Variants in WASHC5 observed in about 807,000 individuals in gnomAD.
WASHC5 encodes WASH complex subunit 5, also known as WASH complex subunit strumpellin.
Under a neutral mutation model 150.4 loss-of-function variants are expected in WASHC5, and 101 were observed. The observed-to-expected ratio is 0.67, with a 90% CI of 0.57 to 0.79. WASHC5 has a LOEUF of 0.79. Among genes scored for constraint, WASHC5 ranks in the 30% least tolerant of loss-of-function variants. The pLI is 0.00. For missense variants in WASHC5, 1,195 were observed against 1,396.3 expected, an observed-to-expected ratio of 0.86 and a Z score of 2.30; for synonymous variants, 467 against 491.2, an observed-to-expected ratio of 0.95 and a Z score of 0.65.
rs751697481 is a variant in WASHC5 at position 125,045,914 on chromosome 8, G to A, written c.2505-1216C>T. Among the ~76,000 whole-genome samples the A allele has an allele frequency of 3.3e-4, 50 of 152,204 alleles. 1 individual carries two copies. Among genetic ancestry groups the A allele is most frequent in the Admixed American group, 4.6e-4 (7 of 15,284 alleles). ...GATAGTTTTCTAAAAAGGCTTCGGTGATTGAAGGCTACCAAGAAAGAAGGA... is the reference window on the plus strand; with the variant it reads ...GATAGTTTTCTAAAAAGGCTTCGGTAATTGAAGGCTACCAAGAAAGAAGGA... On this transcript the variant is annotated intron_variant, in intron 20 of 28. Coordinates refer to ENST00000318410, the MANE Select transcript of WASHC5 (RefSeq NM_014846.4).
At chr8:125,073,556 CAT>C (rs1007430574) in intron 8 of WASHC5, among the ~76,000 whole-genome samples, 29 of 152,140 alleles carry the variant, frequency 1.9e-4, no homozygotes, top group African/African-American at 7.0e-4. Flanking sequence ...AGATGAATGA[CAT>C]ATGGACTACA....
intron 26 of WASHC5, among the ~76,000 whole-genome samples, chr8:125,033,366 T>C (rs1419815417): frequency 6.6e-6 from 1 of 152,000 alleles, no homozygotes; most frequent in Non-Finnish European, 1.5e-5. Context: ...AAAAGATAAA[T>C]CTTTTAACAA....
chr8:125,073,362 C>G, intron 8 of WASHC5, 38 bp from the exon 9 acceptor site: 6 of 1,525,764 alleles, frequency 3.9e-6, no homozygotes, highest in Non-Finnish European at 5.5e-6. Context: ...TTTAAAAAGT[C>G]ATTTATCTTG....
rs141105203 is a variant in WASHC5, at chr8:125,076,694, T to C, written c.712-194A>G. 7.3e-5 allele frequency among the ~76,000 whole-genome samples: 11 copies of C among 150,124 alleles called. No homozygotes were observed. In the East Asian group the frequency reaches 2.0e-3, roughly 27 times the overall value. The stretch of plus-strand genomic sequence containing the variant: ...GTCTTCCTTCTTATTCCTAACACCA[T>C]AATATTCTCTTCTTCCAGCCCTTGA... On this transcript the variant is annotated intron_variant, in intron 6 of 28. Transcript: ENST00000318410.
At chr8:125,079,185 C>CTTTTTTTTTT (rs34211379) in intron 5 of WASHC5, among the ~76,000 whole-genome samples, 5 of 57,580 alleles carry the variant, frequency 8.7e-5, no homozygotes, top group Non-Finnish European at 1.2e-4. Flanking sequence ...TATATATAAC[C>CTTTTTTTTTT]TTTTTTTTTT....
In WASHC5 at chr8:125,047,340, C is replaced by G. The variant is rs759557344; in HGVS notation, c.2380-9G>C. 3.1e-6 allele frequency: 5 copies of G among 1,612,598 alleles called. No homozygotes were observed. In the African/African-American group the frequency reaches 6.7e-5, roughly 22 times the overall value. ...CTTTGCCAATCTTGAATCTAGAAAA[C>G]AAAACCATCAATATTTAGTAAACCT... On this transcript the variant is annotated splice_polypyrimidine_tract_variant and intron_variant, in intron 19 of 28. Coordinates refer to ENST00000318410, the MANE Select transcript of WASHC5 (RefSeq NM_014846.4).
chr8:125,058,774 C>T (rs1039712415), intron 14 of WASHC5, among the ~76,000 whole-genome samples: 11 of 151,958 alleles, frequency 7.2e-5, no homozygotes, highest in African/African-American at 2.7e-4. Context: ...TGTTCATTTA[C>T]CACGAACTGA....
At chr8:125,064,529 T>C (rs1001298381) in intron 10 of WASHC5, among the ~76,000 whole-genome samples, 20 of 152,016 alleles carry the variant, frequency 1.3e-4, no homozygotes, top group South Asian at 2.1e-4. Context: ...CTTAATTCTG[T>C]TTATTAATTC....
intron 25 of WASHC5, 51 bp downstream of exon 25, chr8:125,038,779 A>G (rs1815790118): frequency 1.2e-6 from 2 of 1,608,880 alleles, no homozygotes; most frequent in South Asian, 1.1e-5. Context: ...TACCTGGGCC[A>G]AATACCATTC....
At chr8:125,057,895 A>C (rs1044274199) in intron 14 of WASHC5, among the ~76,000 whole-genome samples, 8 of 152,040 alleles carry the variant, frequency 5.3e-5, no homozygotes, top group Non-Finnish European at 1.2e-4. Context: ...AACTTATTAG[A>C]CATGCAAATT....
intron 17 of WASHC5, among the ~76,000 whole-genome samples, chr8:125,054,863 G>A (rs1304995861): frequency 1.3e-5 from 2 of 151,194 alleles, no homozygotes; most frequent in Non-Finnish European, 2.9e-5. Flanking sequence ...TCTGTACCTG[G>A]GGTGTGAAAT....
intron 26 of WASHC5, among the ~76,000 whole-genome samples, chr8:125,034,273 G>A (rs529145400): frequency 3.3e-4 from 50 of 152,242 alleles, no homozygotes; most frequent in African/African-American, 1.1e-3. Flanking sequence ...GCCAAGGTGG[G>A]TGGAACACTT....
At chr8:125,052,609 T>TAC (rs34684600) in intron 17 of WASHC5, among the ~76,000 whole-genome samples, 63,483 of 141,684 alleles carry the variant, frequency 0.45, 16,129 homozygotes, top group Non-Finnish European at 0.59. Flanking sequence ...TCACACACAC[T>TAC]ACACACACAC....
At chr8:125,048,004 C>A (rs1816125430) in intron 19 of WASHC5, among the ~76,000 whole-genome samples, 1 of 152,142 alleles carries the variant, frequency 6.6e-6, no homozygotes, top group Admixed American at 6.6e-5. Context: ...AGCTACTGTA[C>A]CTGGCCTGTT....
chr8:125,081,920 G>A (rs1044924633), intron 4 of WASHC5, among the ~76,000 whole-genome samples, 159 bp from the exon 5 acceptor site: 49 of 152,356 alleles, frequency 3.2e-4, no homozygotes, highest in African/African-American at 1.1e-3. Context: ...TTACCTTCTT[G>A]CCGAATGGGC....
At chr8:125,068,725 G>A (rs1421394676) in intron 9 of WASHC5, among the ~76,000 whole-genome samples, 1 of 152,144 alleles carries the variant, frequency 6.6e-6, no homozygotes, top group Non-Finnish European at 1.5e-5. Flanking sequence ...TTCTTGTAGA[G>A]GCCAGAGGGC....
At chr8:125,037,711 A>G (rs1375595753) in intron 25 of WASHC5, among the ~76,000 whole-genome samples, 2 of 151,746 alleles carry the variant, frequency 1.3e-5, no homozygotes, top group East Asian at 1.9e-4. Flanking sequence ...GGGAGAGAGA[A>G]GAGAGAGAGA....
At chr8:125,057,158 G>A (rs1283263181) in intron 15 of WASHC5, among the ~76,000 whole-genome samples, 1 of 152,164 alleles carries the variant, frequency 6.6e-6, no homozygotes, top group African/African-American at 2.4e-5. Context: ...CTGGCTCCAT[G>A]CTCCATCAGA....
intron 9 of WASHC5, among the ~76,000 whole-genome samples, chr8:125,068,716 T>C (rs16900346): frequency 0.026 from 3,992 of 152,224 alleles, 180 homozygotes; most frequent in African/African-American, 0.092. Context: ...CCATCCTGCT[T>C]CTTGTAGAGG....
Sources: gnomAD v4.1 joint callset for allele counts (sites outside exome capture counted in the v4.1 genomes callset) on GRCh38, gnomAD v4.1.1 for gene constraint, MANE v1.5 for transcripts, NCBI Gene and HGNC (gene_info 2026-07-23, HGNC 2026-07-21) for gene names.